Variants in ANTXR2 observed in about 807,000 individuals in gnomAD.
ANTXR2 encodes the protein ANTXR cell adhesion molecule 2.
A neutral mutation model predicts 73.7 loss-of-function variants in ANTXR2; 44 were observed. That is an observed-to-expected ratio of 0.60 (90% CI 0.47 to 0.77). The LOEUF (loss-of-function observed/expected upper bound fraction) is 0.77. ANTXR2 is among the 30% of genes least tolerant of loss of function. The pLI is 0.00. For missense variants in ANTXR2, 604 were observed against 592.5 expected (o/e 1.02, Z -0.20); for synonymous variants, 217 against 205.9 (o/e 1.05, Z -0.46).
intron 10 of ANTXR2, among the ~76,000 whole-genome samples, chr4:80,030,677 A>G (rs1732650402): frequency 6.6e-6 from 1 of 152,140 alleles, no homozygotes; most frequent in Non-Finnish European, 1.5e-5. Context: ...TGAATATTTA[A>G]GTATCCACAA....
At chr4:79,976,009 T>C (rs1729613510) in intron 16 of ANTXR2, among the ~76,000 whole-genome samples, 5 of 149,982 alleles carry the variant, frequency 3.3e-5, no homozygotes, top group Non-Finnish European at 5.9e-5. Context: ...GCCTCCCAGG[T>C]TCACGCCATT....
chr4:80,011,336 ATCTATCTGTCTG>A (rs1731577094), intron 11 of ANTXR2, among the ~76,000 whole-genome samples: 1 of 151,630 alleles, frequency 6.6e-6, no homozygotes, highest in Non-Finnish European at 1.5e-5. Flanking sequence ...CTATCTATCT[ATCTATCTGTCTG>A]TCTATCATCT....
At chr4:79,907,540 C>A in intron 16 of ANTXR2, 73 bp from the exon 17 acceptor site, 2 of 1,446,866 alleles carry the variant, frequency 1.4e-6, no homozygotes, top group South Asian at 2.3e-5. Flanking sequence ...ATCTAGTTTT[C>A]CTACCATGAT....
At chr4:80,009,377 A>T (rs1390229973) in intron 11 of ANTXR2, among the ~76,000 whole-genome samples, 1 of 152,212 alleles carries the variant, frequency 6.6e-6, no homozygotes, top group Non-Finnish European at 1.5e-5. Context: ...CCCTTTGATT[A>T]AACAACTCAT....
intron 16 of ANTXR2, among the ~76,000 whole-genome samples, chr4:79,951,164 T>C (rs1393796338): frequency 6.6e-6 from 1 of 152,214 alleles, no homozygotes; most frequent in Non-Finnish European, 1.5e-5. Flanking sequence ...CAAAATTCAA[T>C]AAAATATTTT....
chr4:79,956,227 T>C (rs1383707728), intron 16 of ANTXR2, among the ~76,000 whole-genome samples: 1 of 152,176 alleles, frequency 6.6e-6, no homozygotes, highest in Non-Finnish European at 1.5e-5. Flanking sequence ...GTAATATGCA[T>C]GCATTCTGAA....
intron 10 of ANTXR2, among the ~76,000 whole-genome samples, chr4:80,023,062 AC>A (rs1413565648): frequency 6.6e-6 from 1 of 152,198 alleles, no homozygotes; most frequent in Non-Finnish European, 1.5e-5. Flanking sequence ...TTTTTAATAA[AC>A]CTTTTAGATC....
intron 16 of ANTXR2, among the ~76,000 whole-genome samples, chr4:79,912,584 T>C (rs2109931040): frequency 6.6e-6 from 1 of 152,186 alleles, no homozygotes; most frequent in African/African-American, 2.4e-5. Flanking sequence ...CTAGTGGAAG[T>C]TAAAATTGTC....
chr4:80,026,551 C>T lies in ANTXR2; in HGVS notation c.866+5072G>A, dbSNP rs1352285438. Reference sequence around the variant, plus strand: ...ATTTCAAGAATATTCTCTACATCCTCATATAGGTGTCCATCTTTAAATACT... The same window carrying T: ...ATTTCAAGAATATTCTCTACATCCTTATATAGGTGTCCATCTTTAAATACT... On this transcript the variant is annotated intron_variant, in intron 10 of 16. Transcript: ENST00000403729. Among the ~76,000 whole-genome samples the T allele has an allele frequency of 6.0e-5, 4 of 67,066 alleles. No homozygotes were observed. The Admixed American group carries it at 8.8e-4, about 15-fold the overall frequency. 44.0% of individuals were successfully genotyped at this position (67,066 alleles called of 152,430 possible).
At chr4:80,059,476 A>G (rs1011821240) in intron 3 of ANTXR2, among the ~76,000 whole-genome samples, 9 of 152,124 alleles carry the variant, frequency 5.9e-5, no homozygotes, top group Admixed American at 2.0e-4. Flanking sequence ...CTCCCACCTC[A>G]GTCTCCCAAG....
intron 3 of ANTXR2, among the ~76,000 whole-genome samples, chr4:80,060,669 GT>G (rs1734204759): frequency 6.6e-6 from 1 of 152,136 alleles, no homozygotes; most frequent in African/African-American, 2.4e-5. Flanking sequence ...TTTGTTATTA[GT>G]TATGGTTGTT....
chr4:80,013,669 G>T (rs1021577536), intron 11 of ANTXR2, among the ~76,000 whole-genome samples: 2 of 152,054 alleles, frequency 1.3e-5, no homozygotes, highest in African/African-American at 4.8e-5. Flanking sequence ...CAAGGTCCAG[G>T]TATTCATCAT....
chr4:80,045,020 A>G (rs1484863992), intron 7 of ANTXR2, among the ~76,000 whole-genome samples: 1 of 151,836 alleles, frequency 6.6e-6, no homozygotes, highest in Non-Finnish European at 1.5e-5. Context: ...AAGTTATTTG[A>G]ATTAATCAAA....
intron 10 of ANTXR2, among the ~76,000 whole-genome samples, chr4:80,027,661 C>CA (rs1251789801): frequency 6.6e-6 from 1 of 152,112 alleles, no homozygotes; most frequent in Non-Finnish European, 1.5e-5. Flanking sequence ...TCATCTCTAT[C>CA]AAAAAAACTG....
chr4:80,069,617 A>C (rs1333497899), intron 2 of ANTXR2, 110 bp from the exon 3 acceptor site: 2 of 779,496 alleles, frequency 2.6e-6, no homozygotes, highest in Non-Finnish European at 4.1e-6. Flanking sequence ...TGAATGGTCC[A>C]GGCTTCTTTT....
Position 80,048,379 on chromosome 4 carries a change from T to A in ANTXR2, c.636+5893A>T, listed in dbSNP as rs184404297. 3.2e-4 allele frequency among the ~76,000 whole-genome samples: 48 copies of A among 151,652 alleles called. No individual in the cohort carries two copies. In the East Asian group the frequency reaches 7.2e-3, roughly 23 times the overall value. Reference sequence around the variant, plus strand: ...CCTCATCTACATTCAGCGCTAATGATCCTTGGACAAAGAGAAGCCTAGAAT... The same window carrying A: ...CCTCATCTACATTCAGCGCTAATGAACCTTGGACAAAGAGAAGCCTAGAAT... On this transcript the variant is annotated intron_variant, in intron 7 of 16. Transcript: ENST00000403729.
chr4:80,055,196 C>A lies in ANTXR2; in HGVS notation c.509G>T (p.Gly170Val). The A allele has an allele frequency of 1.3e-6, 2 of 1,568,798 alleles. No homozygotes were observed. The highest frequency in any genetic ancestry group is 2.3e-5 in the East Asian group (1 of 42,816). Reference sequence around the variant, plus strand: ...GACACCAACACAATAAACACTAGCCCCAAGTGACCTGGATATCTTTGCCTA... The same window carrying A: ...GACACCAACACAATAAACACTAGCCACAAGTGACCTGGATATCTTTGCCTA... The part of the protein sequence containing the change: ...EKEAKISRSL[G>V]ASVYCVGVLD... Residue 170 changes from glycine to valine, a missense_variant, in exon 6 of 17, where the codon GGG becomes GTG. Gly to Val is a moderately radical substitution (Grantham distance 109, BLOSUM62 -3). Transcript: ENST00000403729.
chr4:79,929,453 A>C (rs1378771257), intron 16 of ANTXR2, among the ~76,000 whole-genome samples: 1 of 152,186 alleles, frequency 6.6e-6, no homozygotes, highest in African/African-American at 2.4e-5. Flanking sequence ...TGGAAGTTGC[A>C]GTGAGCCAAA....
chr4:80,001,461 G>A lies in ANTXR2; in HGVS notation c.1041+7060C>T, dbSNP rs532764664. On this transcript the variant is annotated intron_variant, in intron 12 of 16. Coordinates refer to ENST00000403729, the MANE Select transcript of ANTXR2 (RefSeq NM_058172.6). ...CAAATATTTTAAAGAATATTTCATT[G>A]CCTCTTATTTTGCAATTGCTTGTAC... 3.3e-5 allele frequency among the ~76,000 whole-genome samples: 5 copies of A among 151,704 alleles called. No individual in the cohort carries two copies. In the South Asian group the frequency reaches 8.3e-4, roughly 25 times the overall value.
Sources: gnomAD v4.1 joint callset for allele counts (sites outside exome capture counted in the v4.1 genomes callset) on GRCh38, gnomAD v4.1.1 for gene constraint, MANE v1.5 for transcripts, NCBI Gene and HGNC (gene_info 2026-07-23, HGNC 2026-07-21) for gene names.